Variants in L3MBTL3 observed in about 807,000 individuals in gnomAD.
L3MBTL3 encodes lethal(3)malignant brain tumor-like protein 3.
L3MBTL3 carries 27 observed loss-of-function variants against 102.3 expected under a neutral mutation model. The observed-to-expected ratio is 0.26, with a 90% CI of 0.19 to 0.36. L3MBTL3 has a LOEUF of 0.36. Among genes scored for constraint, L3MBTL3 ranks in the 10% least tolerant of loss-of-function variants. L3MBTL3 has a pLI of 1.00. For synonymous variants in L3MBTL3, 340 were observed against 320.9 expected, an observed-to-expected ratio of 1.06 and a Z score of -0.64; for missense variants, 798 against 955.3, an observed-to-expected ratio of 0.84 and a Z score of 2.17.
intron 16 of L3MBTL3, among the ~76,000 whole-genome samples, chr6:130,087,813 G>C (rs1440848770): frequency 6.6e-6 from 1 of 151,386 alleles, no homozygotes; most frequent in Non-Finnish European, 1.5e-5. Context: ...AAAAATTCAG[G>C]TTTACATTAT....
intron 8 of L3MBTL3, among the ~76,000 whole-genome samples, chr6:130,055,828 C>T (rs1361471536): frequency 6.6e-6 from 1 of 151,534 alleles, no homozygotes; most frequent in Non-Finnish European, 1.5e-5. Flanking sequence ...AAAACATGAG[C>T]TCCTGGCGTG....
Position 130,078,631 on chromosome 6 carries a change from C to G in L3MBTL3, c.1318C>G (p.Pro440Ala), listed in dbSNP as rs781149629. 1 of 1,596,952 alleles carries G rather than the reference C, an allele frequency of 6.3e-7. No individual in the cohort carries two copies. The highest frequency in any genetic ancestry group is 1.1e-5 in the South Asian group (1 of 90,290). ...KEHRRTLITP[P>A]GYPNVKHFSW... ...ACATAGAAGAACCCTTATTACTCCA[C>G]CAGGTGTGTGTTTTTTTAATGTGGC... The change falls in exon 14 of 23, where the codon CCA (proline) becomes GCA (alanine). Residue 440 changes from proline (P) to alanine (A), a missense_variant. Coordinates refer to ENST00000361794, the MANE Select transcript of L3MBTL3 (RefSeq NM_032438.4).
intron 9 of L3MBTL3, among the ~76,000 whole-genome samples, chr6:130,057,890 T>C (rs1480934297): frequency 6.6e-6 from 1 of 152,126 alleles, no homozygotes; most frequent in Non-Finnish European, 1.5e-5. Context: ...ACGCCTGTAA[T>C]CCCAGCACTT....
chr6:130,084,722 T>C (rs1783571108), intron 15 of L3MBTL3, among the ~76,000 whole-genome samples: 1 of 152,256 alleles, frequency 6.6e-6, no homozygotes, highest in East Asian at 1.9e-4. Flanking sequence ...TCAGCCTACA[T>C]GTCTACTGTC....
rs1163878703 is a variant in L3MBTL3, at chr6:130,141,099, GATATTT to G, written c.*1349_*1354del. The G allele has an allele frequency of 2.0e-5, 3 of 152,340 alleles. No homozygotes were observed. Among genetic ancestry groups the G allele is most frequent in the African/African-American group, 7.2e-5 (3 of 41,452 alleles). The allele number at this position is 152,340 out of a possible 1,614,324, so 9.4% of individuals were successfully genotyped here. A position where few individuals can be genotyped will look rare whatever the true frequency, so the allele number is the denominator to read the frequency against. On this transcript the variant is annotated 3_prime_UTR_variant, in exon 23 of 23. Transcript: ENST00000361794. ...GATGTACTTTCTGATTCCAGGATTGGATATTTATTCAAGGACTATTTTAAAAATAGA... is the reference window on the plus strand; with the variant it reads ...GATGTACTTTCTGATTCCAGGATTGGATTCAAGGACTATTTTAAAAATAGA...
intron 18 of L3MBTL3, among the ~76,000 whole-genome samples, chr6:130,101,877 G>T (rs1784711787): frequency 6.6e-6 from 1 of 152,138 alleles, no homozygotes; most frequent in African/African-American, 2.4e-5. Flanking sequence ...TCATAGTTGG[G>T]AATGGATTTT....
intron 20 of L3MBTL3, among the ~76,000 whole-genome samples, chr6:130,130,416 C>T (rs1053530386): frequency 6.6e-6 from 1 of 152,032 alleles, no homozygotes; most frequent in Non-Finnish European, 1.5e-5. Flanking sequence ...ATAAAGTCAG[C>T]CCTATGGTAT....
chr6:130,051,431 C>G lies in L3MBTL3; in HGVS notation c.449+23C>G, dbSNP rs202240826. 3.0e-4 allele frequency: 479 copies of G among 1,600,500 alleles called. 4 individuals are homozygous for G. The highest frequency in any genetic ancestry group is 4.7e-5 in the Non-Finnish European group (55 of 1,170,006). ...TAAGTAGGTTTTTGCCCCATTCCAT[C>G]TATAAATTGAGTTTTAGATTCCAAA... On this transcript the variant is annotated intron_variant, in intron 6 of 22. Coordinates refer to ENST00000361794, the MANE Select transcript of L3MBTL3 (RefSeq NM_032438.4).
intron 5 of L3MBTL3, among the ~76,000 whole-genome samples, chr6:130,050,923 T>G (rs1413345678): frequency 6.6e-6 from 1 of 152,250 alleles, no homozygotes; most frequent in Non-Finnish European, 1.5e-5. Flanking sequence ...GATACAAATA[T>G]AGAAGAAGTT....
chr6:130,108,878 C>G (rs990294129), intron 19 of L3MBTL3, among the ~76,000 whole-genome samples: 6 of 151,990 alleles, frequency 3.9e-5, no homozygotes, highest in African/African-American at 1.2e-4. Context: ...GCTGACAGGC[C>G]CCCGTGTGTG....
intron 22 of L3MBTL3, chr6:130,137,926 A>G (rs1787879576): frequency 6.6e-6 from 1 of 152,256 alleles, no homozygotes; most frequent in African/African-American, 2.4e-5. Context: ...TCCAGAAAAC[A>G]GGAGAACATT....
At chr6:130,134,047 C>A (rs1787350522) in intron 22 of L3MBTL3, 142 bp downstream of exon 22, 1 of 630,196 alleles carries the variant, frequency 1.6e-6, no homozygotes, top group Non-Finnish European at 2.8e-6. Context: ...TACTAACAGG[C>A]AGTATGAATC....
chr6:130,106,092 G>A (rs1419444761), intron 19 of L3MBTL3, among the ~76,000 whole-genome samples: 1 of 152,184 alleles, frequency 6.6e-6, no homozygotes, highest in South Asian at 2.1e-4. Flanking sequence ...ATAACCCATT[G>A]CACATATTTC....
At chr6:130,056,424 C>T (rs1207899926) in intron 8 of L3MBTL3, among the ~76,000 whole-genome samples, 1 of 152,208 alleles carries the variant, frequency 6.6e-6, no homozygotes, top group African/African-American at 2.4e-5. Flanking sequence ...AGCTTGCAGC[C>T]TGCACAGTCA....
intron 2 of L3MBTL3, among the ~76,000 whole-genome samples, chr6:130,041,624 G>A (rs1780425157): frequency 6.6e-6 from 1 of 152,162 alleles, no homozygotes; most frequent in African/African-American, 2.4e-5. Flanking sequence ...TCAGTTCACT[G>A]CAGCTAAAAT....
intron 15 of L3MBTL3, among the ~76,000 whole-genome samples, chr6:130,084,219 G>C (rs1276861449): frequency 6.6e-6 from 1 of 152,012 alleles, no homozygotes; most frequent in African/African-American, 2.4e-5. Flanking sequence ...TGCATATAAA[G>C]TATTAAGATT....
At chr6:130,028,979 A>G (rs1779532834) in intron 2 of L3MBTL3, among the ~76,000 whole-genome samples, 1 of 152,098 alleles carries the variant, frequency 6.6e-6, no homozygotes, top group Non-Finnish European at 1.5e-5. Context: ...CCTCTCCCCA[A>G]GCCCCTTCCA....
intron 14 of L3MBTL3, 143 bp from the exon 15 acceptor site, chr6:130,083,477 G>A (rs1783493650): frequency 2.5e-6 from 1 of 407,274 alleles, no homozygotes; most frequent in Admixed American, 4.4e-5. Flanking sequence ...ATTACTAATA[G>A]CTCTGAATGT....
At chr6:130,049,699 C>G in intron 4 of L3MBTL3, 57 bp from the exon 5 acceptor site, 1 of 1,609,512 alleles carries the variant, frequency 6.2e-7, no homozygotes, top group Non-Finnish European at 8.5e-7. Flanking sequence ...TTCTCATCTA[C>G]TCCGATGGTT....
Sources: gnomAD v4.1 joint callset for allele counts (sites outside exome capture counted in the v4.1 genomes callset) on GRCh38, gnomAD v4.1.1 for gene constraint, MANE v1.5 for transcripts, NCBI Gene and HGNC (gene_info 2026-07-23, HGNC 2026-07-21) for gene names.